The following TSNARE1 variants were observed in gnomAD, a reference collection of about 807,000 sequenced individuals.
TSNARE1 encodes t-SNARE domain containing 1, also known as t-SNARE domain-containing protein 1.
Under a neutral mutation model 62.0 loss-of-function variants are expected in TSNARE1, and 49 were observed. The ratio of observed to expected loss-of-function variants is 0.79; its 90% CI spans 0.63 to 1.00. The LOEUF (loss-of-function observed/expected upper bound fraction) is 1.00, where lower values mean the gene tolerates loss of function less well. Ranked by LOEUF, TSNARE1 falls within the 50% of genes least tolerant of loss-of-function variation. The pLI is 0.00. For synonymous variants in TSNARE1, 328 were observed against 294.4 expected (o/e 1.11, Z -1.17); for missense variants, 755 against 700.1 (o/e 1.08, Z -0.88).
chr8:142,271,124 A>T (rs1819490688), intron 12 of TSNARE1: 1 of 986,280 alleles, frequency 1.0e-6, no homozygotes, highest in Non-Finnish European at 1.2e-6. Flanking sequence ...CATCCCTGAG[A>T]AGACCTCGAG....
chr8:142,273,962 A>C (rs1474103630), intron 12 of TSNARE1: 1 of 981,240 alleles, frequency 1.0e-6, no homozygotes, highest in African/African-American at 1.8e-5. Flanking sequence ...CACCCACTGC[A>C]CCATCTCGTC....
chr8:142,285,349 T>C (rs1822531305), intron 10 of TSNARE1, among the ~76,000 whole-genome samples: 1 of 133,940 alleles, frequency 7.5e-6, no homozygotes, highest in African/African-American at 2.9e-5. Context: ...GATGGGTGAG[T>C]AGATGGATGG....
chr8:142,399,330 G>A (rs1838123897), intron 1 of TSNARE1, among the ~76,000 whole-genome samples: 1 of 152,208 alleles, frequency 6.6e-6, no homozygotes, highest in South Asian at 2.1e-4. Flanking sequence ...TCCCCATCGG[G>A]CATTCACTGG....
chr8:142,250,480 G>A lies in TSNARE1; in HGVS notation c.1447-20901C>T, dbSNP rs571003127. ...GAGAGGGAAAACAGCCATCAGCGTC[G>A]CGGGCTCCTTGGTGAGGCGGACACT... On this transcript the variant is annotated intron_variant, in intron 12 of 13. Transcript: ENST00000524325. Among the ~76,000 whole-genome samples, 3 of 152,288 alleles carry A rather than the reference G, an allele frequency of 2.0e-5. No individual in the cohort carries two copies. The South Asian group carries it at 6.2e-4, about 32-fold the overall frequency.
At chr8:142,387,866 A>G (rs1329600731) in intron 1 of TSNARE1, among the ~76,000 whole-genome samples, 5 of 152,244 alleles carry the variant, frequency 3.3e-5, no homozygotes, top group Non-Finnish European at 7.3e-5. Flanking sequence ...AAACTATTCC[A>G]GAGAATGGCA....
chr8:142,334,907 A>C (rs1346571634), intron 4 of TSNARE1, among the ~76,000 whole-genome samples: 1 of 152,258 alleles, frequency 6.6e-6, no homozygotes, highest in African/African-American at 2.4e-5. Context: ...ATCGGTTCCA[A>C]CCAGATGTGA....
At chr8:142,317,719 A>G (rs1305224282) in intron 7 of TSNARE1, among the ~76,000 whole-genome samples, 2 of 152,126 alleles carry the variant, frequency 1.3e-5, no homozygotes, top group Admixed American at 1.3e-4. Flanking sequence ...GCACTTTGGG[A>G]GGCAGAGGTG....
chr8:142,252,833 C>T (rs1041425384), intron 12 of TSNARE1, among the ~76,000 whole-genome samples: 3 of 152,198 alleles, frequency 2.0e-5, no homozygotes, highest in Non-Finnish European at 2.9e-5. Context: ...AGGTCCTCCC[C>T]TCCCCACCCC....
rs535176909 is a variant in TSNARE1 at position 142,399,073 on chromosome 8, C to T, written c.-40+4031G>A. On this transcript the variant is annotated intron_variant, in intron 1 of 13. Coordinates refer to ENST00000524325, the MANE Select transcript of TSNARE1 (RefSeq NM_145003.5). ...GAAGCAAGGCCCCTGCAGGAGACAC[C>T]GCCCAACTGGGCTCCGTAGGTGAGG... Among the ~76,000 whole-genome samples the T allele has an allele frequency of 2.3e-4, 35 of 152,294 alleles. 1 individual carries two copies. The South Asian group carries it at 3.1e-3, about 14-fold the overall frequency.
At chr8:142,243,354 G>A (rs924535338) in intron 12 of TSNARE1, among the ~76,000 whole-genome samples, 2 of 152,194 alleles carry the variant, frequency 1.3e-5, no homozygotes, top group African/African-American at 4.8e-5. Flanking sequence ...ATCGGCCTAA[G>A]TGTCCCCCCA....
intron 13 of TSNARE1, among the ~76,000 whole-genome samples, chr8:142,227,822 C>T (rs1279962394): frequency 1.3e-5 from 2 of 152,270 alleles, no homozygotes; most frequent in Admixed American, 1.3e-4. Context: ...GCTCTGCCTC[C>T]GCATTCCTCA....
At chr8:142,273,514 CCT>C in intron 12 of TSNARE1, 1 of 985,430 alleles carries the variant, frequency 1.0e-6, no homozygotes, top group South Asian at 4.7e-5. Flanking sequence ...CCCAGCCTTG[CCT>C]CTGACCTCAT....
At chr8:142,279,005 GGGCTGA>G (rs1207741851) in intron 11 of TSNARE1, among the ~76,000 whole-genome samples, 2 of 152,228 alleles carry the variant, frequency 1.3e-5, no homozygotes, top group African/African-American at 4.8e-5. Flanking sequence ...AGGTGCATAT[GGGCTGA>G]GGCTCCTCCC....
intron 12 of TSNARE1, among the ~76,000 whole-genome samples, chr8:142,234,906 T>C (rs1165181092): frequency 6.6e-6 from 1 of 151,666 alleles, no homozygotes. Context: ...AGTCCCCTTG[T>C]CCCCCGCAAC....
At chr8:142,386,268 T>C (rs1837106034) in intron 1 of TSNARE1, among the ~76,000 whole-genome samples, 1 of 152,196 alleles carries the variant, frequency 6.6e-6, no homozygotes, top group South Asian at 2.1e-4. Context: ...TGGGAGAACA[T>C]TATTCTGGCT....
At chr8:142,273,865 C>T (rs1317921421) in intron 12 of TSNARE1, 1 of 985,242 alleles carries the variant, frequency 1.0e-6, no homozygotes, top group Admixed American at 6.2e-5. Flanking sequence ...CTGTGATATC[C>T]CAGCGTCCTG....
intron 1 of TSNARE1, among the ~76,000 whole-genome samples, chr8:142,380,247 G>A (rs985846881): frequency 6.6e-6 from 1 of 152,222 alleles, no homozygotes; most frequent in Non-Finnish European, 1.5e-5. Flanking sequence ...ACGTCCATGG[G>A]GAGGCCGGGC....
chr8:142,327,753 C>T (rs898833967), intron 6 of TSNARE1, among the ~76,000 whole-genome samples: 1 of 152,216 alleles, frequency 6.6e-6, no homozygotes, highest in Admixed American at 6.5e-5. Context: ...CGAGGGCCCA[C>T]GGTGCTCAAC....
rs533837154 is a variant in TSNARE1, at chr8:142,276,240, C to T, written c.1364-1377G>A. The T allele has an allele frequency of 5.1e-5, 50 of 985,430 alleles. 1 individual carries two copies. The African/African-American group carries it at 8.5e-4, about 17-fold the overall frequency. The allele number at this position is 985,430 out of a possible 1,614,324, so 61.0% of individuals were successfully genotyped here. ...CCTCGGCCGCTCCTGGAGCAAAGCA[C>T]CCCTTTGCTCACTTGCAGACAGCCC... On this transcript the variant is annotated intron_variant, in intron 11 of 13. Coordinates refer to ENST00000524325, the MANE Select transcript of TSNARE1 (RefSeq NM_145003.5).
Sources: gnomAD v4.1 joint callset for allele counts (sites outside exome capture counted in the v4.1 genomes callset) on GRCh38, gnomAD v4.1.1 for gene constraint, MANE v1.5 for transcripts, NCBI Gene and HGNC (gene_info 2026-07-23, HGNC 2026-07-21) for gene names.